The following COPE variants were observed in gnomAD, a reference collection of about 807,000 sequenced individuals.
The protein encoded by COPE is coatomer subunit epsilon.
In COPE, 19 loss-of-function variants were observed where a neutral mutation model predicts 42.1. That is an observed-to-expected ratio of 0.45 (90% CI 0.31 to 0.66). The LOEUF is 0.66. Among genes scored for constraint, COPE ranks in the 30% least tolerant of loss-of-function variants. COPE has a pLI of 0.05. For synonymous variants in COPE, 195 were observed against 181.3 expected (o/e 1.08, Z -0.60); for missense variants, 402 against 416.1 (o/e 0.97, Z 0.30).
intron 6 of COPE, among the ~76,000 whole-genome samples, chr19:18,904,387 A>T (rs978004069): frequency 6.6e-6 from 1 of 152,130 alleles, no homozygotes. Flanking sequence ...GGACATCTCC[A>T]CCGCTGCTAT....
intron 3 of COPE, among the ~76,000 whole-genome samples, chr19:18,908,763 C>T (rs1365815648): frequency 6.6e-6 from 1 of 151,952 alleles, no homozygotes; most frequent in Non-Finnish European, 1.5e-5. Flanking sequence ...GTGATCCGCC[C>T]GCCTCGGCCT....
intron 7 of COPE, among the ~76,000 whole-genome samples, chr19:18,902,760 G>GA (rs1372501463): frequency 6.2e-5 from 3 of 48,200 alleles, no homozygotes; most frequent in African/African-American, 3.4e-4. Context: ...AGGAAGGAAG[G>GA]AAGGAAGGGA....
rs2056689049 is a variant in COPE at position 18,900,521 on chromosome 19, C to T, written c.736-72G>A. On this transcript the variant is annotated intron_variant, in intron 7 of 9. Coordinates refer to ENST00000262812, the MANE Select transcript of COPE (RefSeq NM_007263.4). ...CCCCATGCCTGCCCGTCACCCCCAC[C>T]TCAGGCAGCACCACACAAGGTCACC... The T allele has an allele frequency of 5.7e-6, 7 of 1,229,740 alleles. No individual in the cohort carries two copies. The South Asian group carries it at 9.4e-5, about 17-fold the overall frequency. The allele number at this position is 1,229,740 out of a possible 1,614,324, so 76.2% of individuals were successfully genotyped here.
intron 2 of COPE, among the ~76,000 whole-genome samples, chr19:18,912,519 G>A (rs908836149): frequency 1.3e-5 from 2 of 152,118 alleles, no homozygotes; most frequent in East Asian, 2.0e-4. Context: ...AGCACTTTGG[G>A]AGGCTGAGGC....
At chr19:18,901,507 C>T (rs777405681) in intron 7 of COPE, among the ~76,000 whole-genome samples, 72 of 152,212 alleles carry the variant, frequency 4.7e-4, no homozygotes, top group African/African-American at 1.1e-3. Flanking sequence ...GAGCAGTACC[C>T]GGCCTGTGAT....
intron 7 of COPE, among the ~76,000 whole-genome samples, chr19:18,902,936 G>C (rs911318774): frequency 6.6e-5 from 10 of 151,632 alleles, no homozygotes; most frequent in African/African-American, 2.4e-4. Flanking sequence ...ACATAAGTAC[G>C]GGGAGTGTCT....
chr19:18,907,088 G>A lies in COPE; in HGVS notation c.315C>T (p.Asp105=). 6.2e-7 allele frequency: 1 copy of A among 1,612,138 alleles called. No individual in the cohort carries two copies. Among genetic ancestry groups the A allele is most frequent in the Non-Finnish European group, 8.5e-7 (1 of 1,179,590 alleles). ...CGTCCACGCTCCTGCTCATCTCTCG[G>A]TCCAGCTCGGCCACGATGCTGTCCC... The part of the protein sequence containing the change: ...SRRDSIVAEL[D]REMSRSVDVT... The change falls in exon 4 of 10, where the codon GAC becomes GAT. Residue 105 remains aspartate, a synonymous_variant. Transcript: ENST00000262812.
chr19:18,907,033 C>A lies in COPE; in HGVS notation c.370G>T (p.Ala124Ser). ...TTCTGGTCGTGGAGATAGATGGAGG[C>A]GGCCATGAGCAGGAAGGTGGTGTTG... ...VTNTTFLLMA[A>S]SIYLHDQNPD... The change falls in exon 4 of 10, where the codon GCC becomes TCC. Residue 124 changes from alanine to serine, a missense_variant. Physicochemically the swap from Ala to Ser is moderately conservative, Grantham distance 99. Transcript: ENST00000262812. The A allele has an allele frequency of 1.2e-6, 2 of 1,602,414 alleles. No individual in the cohort carries two copies. Among genetic ancestry groups the A allele is most frequent in the South Asian group, 1.1e-5 (1 of 89,180 alleles).
At chr19:18,906,662 T>C (rs998686068) in intron 4 of COPE, 3 of 287,556 alleles carry the variant, frequency 1.0e-5, no homozygotes, top group African/African-American at 6.6e-5. Context: ...ACAGAAGGCT[T>C]CGTGGGGGGT....
intron 1 of COPE, among the ~76,000 whole-genome samples, chr19:18,917,242 T>C (rs2056862083): frequency 1.9e-5 from 1 of 52,746 alleles, no homozygotes; most frequent in South Asian, 3.5e-4. Flanking sequence ...TCTTTTTTTC[T>C]TTTTTTTTTT....
At chr19:18,919,115 A>T in intron 1 of COPE, 108 bp downstream of exon 1, 1 of 1,246,172 alleles carries the variant, frequency 8.0e-7, no homozygotes, top group Non-Finnish European at 1.1e-6. Context: ...GGCCCAAAAA[A>T]CGCGAGAAGA....
At chr19:18,915,138 G>A (rs1452370347) in intron 1 of COPE, among the ~76,000 whole-genome samples, 1 of 152,168 alleles carries the variant, frequency 6.6e-6, no homozygotes, top group Non-Finnish European at 1.5e-5. Context: ...AGCCTGGGAG[G>A]TCGAGGCTAC....
chr19:18,913,253 G>A (rs1164481954), intron 1 of COPE, among the ~76,000 whole-genome samples: 7 of 152,164 alleles, frequency 4.6e-5, no homozygotes, highest in East Asian at 1.9e-4. Flanking sequence ...CTCATCCCGC[G>A]CTGACACCAC....
intron 2 of COPE, among the ~76,000 whole-genome samples, chr19:18,911,803 T>C (rs961429765): frequency 1.9e-4 from 29 of 151,376 alleles, no homozygotes; most frequent in African/African-American, 6.6e-4. Context: ...CCACCCACCT[T>C]GGCCTCCCAA....
intron 2 of COPE, 121 bp downstream of exon 2, chr19:18,912,863 G>A: frequency 2.2e-6 from 2 of 911,156 alleles, no homozygotes; most frequent in Admixed American, 2.0e-5. Context: ...ACTGAACACT[G>A]CAGGCCTGGG....
intron 6 of COPE, 93 bp from the exon 7 acceptor site, chr19:18,903,516 GCA>G: frequency 7.2e-7 from 1 of 1,392,338 alleles, no homozygotes; most frequent in Non-Finnish European, 9.6e-7. Flanking sequence ...CTCCAGCACT[GCA>G]CAGAGACGAA....
intron 2 of COPE, 106 bp downstream of exon 2, chr19:18,912,878 T>C: frequency 1.8e-6 from 2 of 1,101,412 alleles, no homozygotes; most frequent in Non-Finnish European, 2.7e-6. Flanking sequence ...CCTGGGTCCC[T>C]GCTTTGTTTA....
intron 6 of COPE, among the ~76,000 whole-genome samples, chr19:18,904,011 G>A (rs1221995822): frequency 6.6e-6 from 1 of 152,228 alleles, no homozygotes; most frequent in African/African-American, 2.4e-5. Flanking sequence ...TGTTGCTCAG[G>A]CAGGAGTGCA....
At chr19:18,908,208 C>T (rs80092606) in intron 3 of COPE, among the ~76,000 whole-genome samples, 4,864 of 152,200 alleles carry the variant, frequency 0.032, 105 homozygotes, top group Non-Finnish European at 0.041. Flanking sequence ...AAGGCAGGAT[C>T]GCTTAAGCCC....
Sources: gnomAD v4.1 joint callset for allele counts (sites outside exome capture counted in the v4.1 genomes callset) on GRCh38, gnomAD v4.1.1 for gene constraint, MANE v1.5 for transcripts, NCBI Gene and HGNC (gene_info 2026-07-23, HGNC 2026-07-21) for gene names.